Variants in RALGPS1 observed in about 807,000 individuals in gnomAD.
RALGPS1 encodes the protein ras-specific guanine nucleotide-releasing factor RalGPS1.
In RALGPS1, 19 loss-of-function variants were observed where a neutral mutation model predicts 78.8. That is an observed-to-expected ratio of 0.24 (90% CI 0.17 to 0.35). RALGPS1 has a LOEUF of 0.35. Ranked by LOEUF, RALGPS1 falls within the 10% of genes least tolerant of loss-of-function variation. RALGPS1 has a pLI of 1.00. For missense variants in RALGPS1, 454 were observed against 688.3 expected, an observed-to-expected ratio of 0.66 and a Z score of 3.81; for synonymous variants, 228 against 256.3, an observed-to-expected ratio of 0.89 and a Z score of 1.06.
At chr9:127,217,999 T>C (rs1467946212) in intron 18 of RALGPS1, among the ~76,000 whole-genome samples, 1 of 152,204 alleles carries the variant, frequency 6.6e-6, no homozygotes, top group African/African-American at 2.4e-5. Flanking sequence ...CTTATAACTG[T>C]CTCCTGGTAC....
intron 4 of RALGPS1, among the ~76,000 whole-genome samples, chr9:126,997,018 T>C (rs982104318): frequency 6.6e-6 from 1 of 152,202 alleles, no homozygotes; most frequent in Non-Finnish European, 1.5e-5. Context: ...AATTAGATAT[T>C]GATGGGACGT....
intron 1 of RALGPS1, among the ~76,000 whole-genome samples, chr9:126,952,702 C>T (rs567966350): frequency 5.6e-5 from 6 of 107,786 alleles, no homozygotes; most frequent in South Asian, 2.7e-4. Context: ...TGTGTCTGTG[C>T]GCATGTGCAT....
chr9:126,964,593 C>G (rs1331406039), intron 2 of RALGPS1, among the ~76,000 whole-genome samples: 3 of 124,292 alleles, frequency 2.4e-5, no homozygotes, highest in Non-Finnish European at 3.8e-5. Context: ...TGGTGTGGAG[C>G]TGGCATTTTA....
intron 8 of RALGPS1, among the ~76,000 whole-genome samples, chr9:127,110,408 T>TTTATGAGGAATTACGATGG (rs2054681829): frequency 6.6e-6 from 1 of 152,346 alleles, no homozygotes; most frequent in South Asian, 2.1e-4. Flanking sequence ...CTCATATTCC[T>TTTATGAGGAATTACGATGG]GTCCTTTCTC....
intron 14 of RALGPS1, among the ~76,000 whole-genome samples, chr9:127,203,566 G>A (rs1366529975): frequency 6.6e-6 from 1 of 152,094 alleles, no homozygotes; most frequent in East Asian, 1.9e-4. Flanking sequence ...TGTAGTGGGT[G>A]AGGGAAGTGA....
intron 1 of RALGPS1, among the ~76,000 whole-genome samples, chr9:126,944,040 G>A (rs1385526208): frequency 6.6e-6 from 1 of 152,258 alleles, no homozygotes; most frequent in Non-Finnish European, 1.5e-5. Context: ...CTGGGTTGGA[G>A]CAGGTAATGG....
intron 8 of RALGPS1, among the ~76,000 whole-genome samples, chr9:127,073,452 GTGTGTGTGTGTGTC>G (rs977370874): frequency 6.5e-4 from 92 of 140,776 alleles, no homozygotes; most frequent in African/African-American, 2.5e-3. Flanking sequence ...ACCATTGTGT[GTGTGTGTGTGTGTC>G]TGTGTGTGTG....
chr9:127,218,851 GGC>G lies in RALGPS1; in HGVS notation c.*83_*84del, dbSNP rs2062699857. On this transcript the variant is annotated 3_prime_UTR_variant, in exon 19 of 19. Transcript: ENST00000259351. This position sits in a 1 kb window ranked among gnomAD's most constrained non-coding sequence, Gnocchi z 4.4. ...GTGGTGAAGAGCAGTCCTGGGCACA[GGC>G]TGTGAGCCAGGGTGCTGGGAAACTC... The G allele has an allele frequency of 3.4e-6, 5 of 1,482,720 alleles. No individual in the cohort carries two copies. The Admixed American group carries it at 8.4e-5, about 25-fold the overall frequency. The allele number at this position is 1,482,720 out of a possible 1,614,324, so 91.8% of individuals were successfully genotyped here.
chr9:127,122,336 CG>C lies in RALGPS1; in HGVS notation c.611-43729del. On this transcript the variant is annotated intron_variant, in intron 8 of 18. Transcript: ENST00000259351. This position sits in a 1 kb window ranked among gnomAD's most constrained non-coding sequence, Gnocchi z 6.4. Reference sequence around the variant, plus strand: ...TTACCTCTTCCCTCCTGCTTGGCTCCGGGGCGGCTCCTCACATGCTTCACCC... The same window carrying C: ...TTACCTCTTCCCTCCTGCTTGGCTCCGGGCGGCTCCTCACATGCTTCACCC... The C allele has an allele frequency of 6.6e-6, 1 of 152,588 alleles. No homozygotes were observed. Among genetic ancestry groups the C allele is most frequent in the Non-Finnish European group, 1.5e-5 (1 of 68,282 alleles). The allele number at this position is 152,588 out of a possible 1,614,324, so 9.5% of individuals were successfully genotyped here.
chr9:127,063,884 G>C (rs2049438210), intron 7 of RALGPS1, among the ~76,000 whole-genome samples: 1 of 151,820 alleles, frequency 6.6e-6, no homozygotes, highest in South Asian at 2.1e-4. Context: ...CCAAGTAATT[G>C]GGTTTTTCAG....
intron 17 of RALGPS1, 136 bp downstream of exon 17, chr9:127,213,185 G>C: frequency 6.9e-7 from 1 of 1,450,834 alleles, no homozygotes; most frequent in Middle Eastern, 2.0e-4. Flanking sequence ...CGTTCATGGG[G>C]TCCATGCTAG....
chr9:127,015,388 A>G (rs761998516), intron 4 of RALGPS1, among the ~76,000 whole-genome samples: 4 of 152,222 alleles, frequency 2.6e-5, no homozygotes, highest in Non-Finnish European at 5.9e-5. Context: ...TAATGTGAGA[A>G]AAGTATTTTG....
chr9:127,118,847 C>G (rs926842692), intron 8 of RALGPS1, among the ~76,000 whole-genome samples: 3 of 152,208 alleles, frequency 2.0e-5, no homozygotes, highest in Admixed American at 2.0e-4. Context: ...CCTGCTTTGG[C>G]AGGGCTGCTG....
chr9:127,105,540 C>G (rs1007618046), intron 8 of RALGPS1, among the ~76,000 whole-genome samples: 1 of 152,206 alleles, frequency 6.6e-6, no homozygotes, highest in Non-Finnish European at 1.5e-5. Flanking sequence ...AGAAGTGCCA[C>G]GTCTATCTAA....
chr9:127,160,244 G>A (rs183157129), intron 8 of RALGPS1, among the ~76,000 whole-genome samples: 6 of 152,288 alleles, frequency 3.9e-5, no homozygotes, highest in African/African-American at 9.6e-5. Context: ...GTGTCTGTTC[G>A]GAAGAGCACC....
intron 8 of RALGPS1, 129 bp downstream of exon 8, chr9:127,069,485 G>C: frequency 9.3e-6 from 10 of 1,076,974 alleles, no homozygotes; most frequent in African/African-American, 1.6e-5. Context: ...CAATTGGTTG[G>C]CTCTTTGGGT....
intron 14 of RALGPS1, among the ~76,000 whole-genome samples, chr9:127,209,953 C>T (rs1253153897): frequency 4.6e-5 from 7 of 152,188 alleles, no homozygotes; most frequent in Non-Finnish European, 7.3e-5. Context: ...TAGGCCATGC[C>T]TCAAGGGTGG....
rs188178426 is a variant in RALGPS1, at chr9:126,955,660, T to A, written c.-65-6565T>A. 8.0e-4 allele frequency among the ~76,000 whole-genome samples: 122 copies of A among 152,342 alleles called. 1 individual carries two copies. The highest frequency in any genetic ancestry group is 1.0e-4 in the Non-Finnish European group (7 of 68,030). ...TTAATATAATTTTTTGGTATAATTT[T>A]ATGCATTTAAAAACATTTCTATGAG... On this transcript the variant is annotated intron_variant, in intron 1 of 18. Coordinates refer to ENST00000259351, the MANE Select transcript of RALGPS1 (RefSeq NM_014636.3).
intron 3 of RALGPS1, among the ~76,000 whole-genome samples, chr9:126,972,241 G>A (rs1835851992): frequency 6.6e-6 from 1 of 152,136 alleles, no homozygotes; most frequent in South Asian, 2.1e-4. Flanking sequence ...GATAATAATT[G>A]CAAATGATTG....
Sources: gnomAD v4.1 joint callset for allele counts (sites outside exome capture counted in the v4.1 genomes callset) on GRCh38, gnomAD v4.1.1 for gene constraint, Gnocchi (gnomAD v3.1) non-coding constraint, MANE v1.5 for transcripts, NCBI Gene and HGNC (gene_info 2026-07-23, HGNC 2026-07-21) for gene names.